The following CASP9 variants were observed in gnomAD, a reference collection of about 807,000 sequenced individuals.
CASP9 encodes caspase-9.
In CASP9, 29 loss-of-function variants were observed where a neutral mutation model predicts 43.5. That is an observed-to-expected ratio of 0.67 (90% CI 0.50 to 0.91). The LOEUF is 0.91. CASP9 is among the 40% of genes least tolerant of loss of function. The probability of loss-of-function intolerance (pLI) is 0.00; values close to 1 mark genes in which losing one functional copy is unlikely to be tolerated. For missense variants in CASP9, 575 were observed against 537.4 expected (o/e 1.07, Z -0.69); for synonymous variants, 206 against 211.9 (o/e 0.97, Z 0.24).
intron 6 of CASP9, among the ~76,000 whole-genome samples, chr1:15,499,890 GT>G (rs749622748): frequency 6.6e-6 from 1 of 152,062 alleles, no homozygotes; most frequent in Non-Finnish European, 1.5e-5. Flanking sequence ...CATATTTTTT[GT>G]CTTTTCCATT....
intron 6 of CASP9, among the ~76,000 whole-genome samples, chr1:15,501,825 G>A (rs1014360145): frequency 6.6e-6 from 1 of 152,072 alleles, no homozygotes; most frequent in Non-Finnish European, 1.5e-5. Context: ...AGGCCGGAGT[G>A]CAATAGTGTA....
At chr1:15,509,124 G>C (rs1356236734) in intron 2 of CASP9, among the ~76,000 whole-genome samples, 1 of 152,194 alleles carries the variant, frequency 6.6e-6, no homozygotes. Flanking sequence ...TTTCATTGCA[G>C]AAACAGCAAC....
intron 3 of CASP9, 67 bp downstream of exon 3, chr1:15,507,806 G>A (rs1218192774): frequency 2.0e-6 from 3 of 1,498,318 alleles, no homozygotes; most frequent in Non-Finnish European, 2.8e-6. Flanking sequence ...TGCAGGGAAG[G>A]ACCTGAGGGG....
chr1:15,509,814 G>A (rs1014652441), intron 2 of CASP9, among the ~76,000 whole-genome samples: 1 of 152,310 alleles, frequency 6.6e-6, no homozygotes, highest in Non-Finnish European at 1.5e-5. Context: ...CAGGTCCTCA[G>A]GAAATACTTG....
chr1:15,519,394 TG>T, intron 1 of CASP9, among the ~76,000 whole-genome samples: 1 of 152,254 alleles, frequency 6.6e-6, no homozygotes, highest in East Asian at 1.9e-4. Flanking sequence ...TTGGCCAGGC[TG>T]GTCTCAAAAC....
chr1:15,517,769 C>A (rs1381683319), intron 2 of CASP9, among the ~76,000 whole-genome samples: 1 of 151,980 alleles, frequency 6.6e-6, no homozygotes, highest in Non-Finnish European at 1.5e-5. Context: ...TGAGGTAGTC[C>A]AGGCTACCCA....
At chr1:15,512,389 G>A (rs923348001) in intron 2 of CASP9, among the ~76,000 whole-genome samples, 2 of 152,178 alleles carry the variant, frequency 1.3e-5, no homozygotes, top group South Asian at 2.1e-4. Flanking sequence ...ATGGTGGGCC[G>A]CGTCCAATCC....
intron 6 of CASP9, among the ~76,000 whole-genome samples, chr1:15,502,879 A>C (rs1246010084): frequency 2.0e-5 from 3 of 152,212 alleles, no homozygotes; most frequent in Non-Finnish European, 4.4e-5. Flanking sequence ...TGGATAAGAC[A>C]GGAGGTGAGG....
At chr1:15,493,827 C>A in intron 8 of CASP9, 65 bp downstream of exon 8, 1 of 1,546,872 alleles carries the variant, frequency 6.5e-7, no homozygotes, top group Non-Finnish European at 8.7e-7. Context: ...AAATCCCCAG[C>A]CCCAGGAGGA....
Position 15,494,014 on chromosome 1 carries a change from G to A in CASP9, c.1049-13C>T, listed in dbSNP as rs1483822384. Reference sequence around the variant, plus strand: ...CAGGAAACAAAACCTTTGGAGGGAGGAGGGCTGAACACTGCTGGAGAGCCA... The same window carrying A: ...CAGGAAACAAAACCTTTGGAGGGAGAAGGGCTGAACACTGCTGGAGAGCCA... On this transcript the variant is annotated splice_polypyrimidine_tract_variant and intron_variant, in intron 7 of 8. Transcript: ENST00000333868. 1.3e-6 allele frequency: 2 copies of A among 1,567,976 alleles called. No individual in the cohort carries two copies. Among genetic ancestry groups the A allele is most frequent in the Non-Finnish European group, 8.6e-7 (1 of 1,157,886 alleles).
At chr1:15,498,891 C>T (rs971189751) in intron 6 of CASP9, among the ~76,000 whole-genome samples, 2 of 151,936 alleles carry the variant, frequency 1.3e-5, no homozygotes, top group South Asian at 2.1e-4. Flanking sequence ...GGACTACAGG[C>T]GTGTGCCACC....
intron 4 of CASP9, 60 bp from the exon 5 acceptor site, chr1:15,506,139 C>T (rs567181916): frequency 4.9e-5 from 57 of 1,158,806 alleles, no homozygotes; most frequent in South Asian, 3.4e-4. Context: ...CAGACTGGAC[C>T]GTTCCTAACA....
intron 1 of CASP9, among the ~76,000 whole-genome samples, chr1:15,523,363 G>C (rs1431805172): frequency 6.6e-6 from 1 of 152,188 alleles, no homozygotes; most frequent in Non-Finnish European, 1.5e-5. Flanking sequence ...GCTCAAAGAG[G>C]GTAAGTGACT....
rs777103546 is a variant in CASP9 at position 15,506,927 on chromosome 1, A to T, written c.602T>A (p.Val201Glu). Residue 201 changes from valine (V) to glutamate (E), a missense_variant, in exon 4 of 9, where the codon GTG (valine) becomes GAG (glutamate). Val to Glu is a moderately radical substitution (Grantham distance 121). Coordinates refer to ENST00000333868, the MANE Select transcript of CASP9 (RefSeq NM_001229.5). ...GGCAGTCAGGTCGCCCTTCACCTCC[A>T]CCATGAAATGCAGCGAGGAGAAGCG... ...RRRFSSLHFM[V>E]EVKGDLTAKK... 2 of 1,613,812 alleles carry T rather than the reference A, an allele frequency of 1.2e-6. No homozygotes were observed. The highest frequency in any genetic ancestry group is 1.7e-6 in the Non-Finnish European group (2 of 1,179,884).
At chr1:15,511,470 C>T (rs1015655444) in intron 2 of CASP9, among the ~76,000 whole-genome samples, 9 of 151,444 alleles carry the variant, frequency 5.9e-5, no homozygotes, top group Non-Finnish European at 1.3e-4. Flanking sequence ...ATGGCACAAT[C>T]TTGGCTCACT....
At chr1:15,521,726 T>G (rs1411530286) in intron 1 of CASP9, among the ~76,000 whole-genome samples, 1 of 152,008 alleles carries the variant, frequency 6.6e-6, no homozygotes, top group African/African-American at 2.4e-5. Flanking sequence ...TCGGGGCCAC[T>G]ACCCTGTCTC....
intron 6 of CASP9, among the ~76,000 whole-genome samples, chr1:15,503,868 T>C (rs776284236): frequency 6.6e-6 from 1 of 152,236 alleles, no homozygotes; most frequent in Non-Finnish European, 1.5e-5. Flanking sequence ...CTCCCTGATA[T>C]TCCTGTCATG....
At chr1:15,524,615 C>A, upstream of CASP9, 1 of 1,032,390 alleles carries the variant, frequency 9.7e-7, no homozygotes. Flanking sequence ...GCGTTACCGT[C>A]CCGCCCGCAG....
chr1:15,510,683 G>A (rs552914153), intron 2 of CASP9, among the ~76,000 whole-genome samples: 7 of 152,158 alleles, frequency 4.6e-5, no homozygotes, highest in South Asian at 2.1e-4. Context: ...CAGAGGCCCC[G>A]GCATGAGCAA....
Sources: gnomAD v4.1 joint callset for allele counts (sites outside exome capture counted in the v4.1 genomes callset) on GRCh38, gnomAD v4.1.1 for gene constraint, MANE v1.5 for transcripts, NCBI Gene and HGNC (gene_info 2026-07-23, HGNC 2026-07-21) for gene names.